Variants in KIAA1549L observed in about 807,000 individuals in gnomAD.
KIAA1549L encodes KIAA1549 like, also known as UPF0606 protein KIAA1549L.
In KIAA1549L, 88 loss-of-function variants were observed where a neutral mutation model predicts 160.7. The observed-to-expected ratio is 0.55, with a 90% CI of 0.46 to 0.65. The LOEUF is 0.65. KIAA1549L is among the 30% of genes least tolerant of loss of function. KIAA1549L has a pLI of 0.00. For missense variants in KIAA1549L, 2,258 were observed against 2,437.5 expected (o/e 0.93, Z 1.55); for synonymous variants, 950 against 976.7 (o/e 0.97, Z 0.51).
chr11:33,586,152 A>C (rs1373850613), intron 11 of KIAA1549L, among the ~76,000 whole-genome samples: 2 of 152,230 alleles, frequency 1.3e-5, no homozygotes, highest in South Asian at 2.1e-4. Context: ...AGGCAGAACA[A>C]AAAAGTTAGC....
chr11:33,510,150 GTC>G (rs1334754367), intron 1 of KIAA1549L, among the ~76,000 whole-genome samples: 1 of 151,992 alleles, frequency 6.6e-6, no homozygotes, highest in Non-Finnish European at 1.5e-5. Context: ...TCTCTCTCAT[GTC>G]TCTCTCTCTT....
At chr11:33,412,974 C>T (rs1320947918) in intron 1 of KIAA1549L, among the ~76,000 whole-genome samples, 2 of 152,058 alleles carry the variant, frequency 1.3e-5, no homozygotes, top group Non-Finnish European at 2.9e-5. Context: ...GAATATACTG[C>T]ACTTTCAGGG....
chr11:33,652,138 G>T (rs1851915046), intron 17 of KIAA1549L, among the ~76,000 whole-genome samples: 1 of 151,402 alleles, frequency 6.6e-6, no homozygotes. Context: ...AGCCAGCATC[G>T]TGGCACTGGG....
In KIAA1549L at chr11:33,383,333, T is replaced by C. The variant is rs141291795; in HGVS notation, c.238+6444T>C. ...TCTTCCCCAGACAAAAATGAATAGTTGGAATGACCTTAAAACATTTTCGTT... is the reference window on the plus strand; with the variant it reads ...TCTTCCCCAGACAAAAATGAATAGTCGGAATGACCTTAAAACATTTTCGTT... On this transcript the variant is annotated intron_variant, in intron 1 of 20. Coordinates refer to ENST00000658780, the MANE Select transcript of KIAA1549L (RefSeq NM_012194.3). Among the ~76,000 whole-genome samples the C allele has an allele frequency of 2.6e-5, 4 of 152,128 alleles. No homozygotes were observed. In the East Asian group the frequency reaches 7.7e-4, roughly 29 times the overall value.
Position 33,626,495 on chromosome 11 carries a change from C to T in KIAA1549L, c.5409+7833C>T, listed in dbSNP as rs1401391415. Among the ~76,000 whole-genome samples the T allele has an allele frequency of 8.7e-3, 1,287 of 147,286 alleles. 26 individuals are homozygous for T. The highest frequency in any genetic ancestry group is 0.032 in the African/African-American group (1,244 of 38,502). ...CTTCACATCCCTTGTAAATTGGATT[C>T]CTAGGTATTTTATTCTCTTTGAAGC... On this transcript the variant is annotated intron_variant, in intron 16 of 20. Transcript: ENST00000658780.
chr11:33,435,826 A>ATG (rs1281228639), intron 1 of KIAA1549L, among the ~76,000 whole-genome samples: 883 of 60,062 alleles, frequency 0.015, 162 homozygotes, highest in Non-Finnish European at 0.018. Flanking sequence ...GTGTATATAT[A>ATG]TATATGTATA....
intron 16 of KIAA1549L, among the ~76,000 whole-genome samples, chr11:33,620,780 A>C (rs927691905): frequency 6.6e-6 from 1 of 152,202 alleles, no homozygotes; most frequent in Non-Finnish European, 1.5e-5. Flanking sequence ...GGAAGAAGCT[A>C]GATGTCAGGG....
At chr11:33,583,640 C>G (rs1855718648) in intron 11 of KIAA1549L, 139 bp downstream of exon 11, 1 of 766,398 alleles carries the variant, frequency 1.3e-6, no homozygotes, top group African/African-American at 1.8e-5. Flanking sequence ...GAGATCCTTC[C>G]TTTTAGTCTC....
In KIAA1549L at chr11:33,645,700, C is replaced by T. The variant is rs1851697900; in HGVS notation, c.5424C>T (p.Ile1808=). Residue 1808 remains isoleucine, a synonymous_variant, in exon 17 of 21, where the codon ATC becomes ATT. Transcript: ENST00000658780. ...RNSGYDTEPE[I]IEETNIDRVP... is the part of the protein sequence containing the mutation. ...TCCTCCCACAGACTGAGCCTGAAAT[C>T]ATAGAGGAAACCAACATTGACAGAG... 1.2e-6 allele frequency: 2 copies of T among 1,613,188 alleles called. No homozygotes were observed. The highest frequency in any genetic ancestry group is 2.7e-5 in the African/African-American group (2 of 74,914).
chr11:33,571,913 G>A (rs1470353126), intron 9 of KIAA1549L, among the ~76,000 whole-genome samples: 1 of 152,140 alleles, frequency 6.6e-6, no homozygotes, highest in Non-Finnish European at 1.5e-5. Context: ...GCATACCAAA[G>A]CTCTGAAAAG....
intron 1 of KIAA1549L, among the ~76,000 whole-genome samples, chr11:33,488,183 C>T (rs1270490207): frequency 6.6e-6 from 1 of 152,136 alleles, no homozygotes; most frequent in Non-Finnish European, 1.5e-5. Context: ...ATTAGTGAGT[C>T]TATGTTTGTA....
At position 33,658,865 on chromosome 11, in the gene KIAA1549L, A is replaced by T. The variant is rs1214658257; in HGVS notation, c.5974A>T (p.Thr1992Ser). ...TQMSRGPVSV[T>S]QLDQSALNYS... ...GATGTCCAGAGGCCCTGTGTCCGTG[A>T]CGCAGTTGGATCAGTCGGCTTTAAA... Residue 1992 changes from threonine (T) to serine (S), a missense_variant, in exon 19 of 21, where the codon ACG becomes TCG. Coordinates refer to ENST00000658780, the MANE Select transcript of KIAA1549L (RefSeq NM_012194.3). The T allele has an allele frequency of 3.8e-6, 6 of 1,560,904 alleles. No individual in the cohort carries two copies. In the African/African-American group the frequency reaches 8.2e-5, roughly 21 times the overall value.
chr11:33,608,056 C>T (rs914013093), intron 14 of KIAA1549L, among the ~76,000 whole-genome samples: 2 of 152,138 alleles, frequency 1.3e-5, no homozygotes, highest in South Asian at 2.1e-4. Flanking sequence ...CCTTTCCTCT[C>T]TTTTACTTAC....
At chr11:33,598,190 T>TTGTGTGTGTGTG (rs57343190) in intron 12 of KIAA1549L, among the ~76,000 whole-genome samples, 79 of 135,192 alleles carry the variant, frequency 5.8e-4, no homozygotes, top group African/African-American at 1.8e-3. Flanking sequence ...GAGAGAATGT[T>TTGTGTGTGTGTG]TGTGTGTGTG....
intron 17 of KIAA1549L, among the ~76,000 whole-genome samples, chr11:33,650,700 T>C (rs1851858979): frequency 6.6e-6 from 1 of 152,138 alleles, no homozygotes; most frequent in Non-Finnish European, 1.5e-5. Context: ...TCAGGTGAGC[T>C]CACTCTGTCC....
chr11:33,597,628 C>T (rs1850236108), intron 12 of KIAA1549L, among the ~76,000 whole-genome samples: 1 of 152,224 alleles, frequency 6.6e-6, no homozygotes, highest in Non-Finnish European at 1.5e-5. Flanking sequence ...CAGCCGGACC[C>T]ACGGGCTGGC....
intron 1 of KIAA1549L, among the ~76,000 whole-genome samples, chr11:33,536,828 G>A (rs1853904801): frequency 1.3e-5 from 2 of 152,144 alleles, no homozygotes; most frequent in East Asian, 1.9e-4. Flanking sequence ...CATTCCCGTC[G>A]TCTTGAGCCT....
At chr11:33,586,021 C>T (rs1453002450) in intron 11 of KIAA1549L, among the ~76,000 whole-genome samples, 1 of 152,236 alleles carries the variant, frequency 6.6e-6, no homozygotes, top group Non-Finnish European at 1.5e-5. Context: ...CTCCTGCTTA[C>T]TGCAGTTCTT....
intron 5 of KIAA1549L, among the ~76,000 whole-genome samples, chr11:33,551,675 C>T (rs1294089557): frequency 1.3e-5 from 2 of 151,644 alleles, no homozygotes; most frequent in African/African-American, 4.8e-5. Flanking sequence ...TTTTCAAACT[C>T]TCTGGTGATT....
Sources: allele counts gnomAD v4.1 joint callset (sites outside exome capture counted in the v4.1 genomes callset), GRCh38; gene constraint gnomAD v4.1.1; transcripts MANE v1.5; gene names NCBI Gene and HGNC (gene_info 2026-07-23, HGNC 2026-07-21).